The following CTNNA3 variants were observed in gnomAD, a reference collection of about 807,000 sequenced individuals.
The protein encoded by CTNNA3 is catenin alpha-3.
A neutral mutation model predicts 95.7 loss-of-function variants in CTNNA3; 76 were observed. The observed-to-expected ratio is 0.79, with a 90% CI of 0.66 to 0.96. CTNNA3 has a LOEUF of 0.96. CTNNA3 is among the 40% of genes least tolerant of loss of function. The pLI is 0.00. For synonymous variants in CTNNA3, 431 were observed against 374.4 expected, an observed-to-expected ratio of 1.15 and a Z score of -1.74; for missense variants, 1,191 against 1,089.8, an observed-to-expected ratio of 1.09 and a Z score of -1.31.
chr10:67,043,838 T>C (rs1403185910), intron 7 of CTNNA3, among the ~76,000 whole-genome samples: 1 of 150,554 alleles, frequency 6.6e-6, no homozygotes, highest in African/African-American at 2.5e-5. Context: ...TGAGGACTAC[T>C]TTTTTTTCTG....
chr10:66,836,039 T>A (rs1842873538), intron 7 of CTNNA3, among the ~76,000 whole-genome samples: 1 of 152,128 alleles, frequency 6.6e-6, no homozygotes, highest in Admixed American at 6.5e-5. Context: ...ACTGGTGTGC[T>A]GGTGAATGTT....
intron 5 of CTNNA3, among the ~76,000 whole-genome samples, chr10:67,307,675 T>C (rs1181875823): frequency 6.6e-6 from 1 of 152,204 alleles, no homozygotes; most frequent in African/African-American, 2.4e-5. Flanking sequence ...GTATCAGATA[T>C]TGAGTCCTGC....
chr10:66,903,375 T>A (rs1451980578), intron 7 of CTNNA3, among the ~76,000 whole-genome samples: 1 of 152,170 alleles, frequency 6.6e-6, no homozygotes, highest in East Asian at 1.9e-4. Context: ...ATGGAATGTA[T>A]CTCAGAATAA....
intron 7 of CTNNA3, among the ~76,000 whole-genome samples, chr10:67,094,040 A>G (rs1350779184): frequency 6.6e-6 from 1 of 151,978 alleles, no homozygotes; most frequent in Non-Finnish European, 1.5e-5. Context: ...GAATTAACTT[A>G]TGTAAAAATC....
At chr10:67,292,655 T>C (rs1000802359) in intron 5 of CTNNA3, among the ~76,000 whole-genome samples, 10 of 152,184 alleles carry the variant, frequency 6.6e-5, no homozygotes, top group African/African-American at 2.4e-4. Flanking sequence ...AACAATTTTA[T>C]CAACGTTTGT....
intron 1 of CTNNA3, among the ~76,000 whole-genome samples, chr10:67,671,757 C>T (rs1477311240): frequency 2.6e-5 from 4 of 151,484 alleles, no homozygotes; most frequent in South Asian, 2.1e-4. Flanking sequence ...TCCAGTCTAT[C>T]GTTGTTGGAC....
At chr10:67,554,710 T>C (rs902215964) in intron 3 of CTNNA3, among the ~76,000 whole-genome samples, 12 of 152,218 alleles carry the variant, frequency 7.9e-5, no homozygotes, top group Admixed American at 2.0e-4. Context: ...ACGTTGCCTG[T>C]TCACTCTGAT....
At chr10:66,005,268 C>A (rs1247010530) in intron 15 of CTNNA3, among the ~76,000 whole-genome samples, 3 of 152,094 alleles carry the variant, frequency 2.0e-5, no homozygotes, top group Non-Finnish European at 4.4e-5. Context: ...TCGTGGAGAG[C>A]CATTATTTAG....
chr10:66,628,606 A>C (rs753224308), intron 9 of CTNNA3, among the ~76,000 whole-genome samples: 3 of 152,150 alleles, frequency 2.0e-5, no homozygotes, highest in Non-Finnish European at 4.4e-5. Flanking sequence ...TTGTATTGGC[A>C]AAGGAGACTT....
At chr10:66,739,703 A>G (rs1008996857) in intron 9 of CTNNA3, among the ~76,000 whole-genome samples, 1 of 152,216 alleles carries the variant, frequency 6.6e-6, no homozygotes, top group African/African-American at 2.4e-5. Flanking sequence ...TTTGTAACGT[A>G]CTGGCCATTA....
At chr10:66,640,140 C>A (rs767101953) in intron 9 of CTNNA3, among the ~76,000 whole-genome samples, 14 of 152,114 alleles carry the variant, frequency 9.2e-5, no homozygotes, top group Middle Eastern at 3.2e-3. Context: ...GATAAACTCA[C>A]CCAATGCCTA....
At chr10:66,949,915 G>A (rs564888630) in intron 7 of CTNNA3, among the ~76,000 whole-genome samples, 68 of 152,204 alleles carry the variant, frequency 4.5e-4, no homozygotes, top group African/African-American at 1.6e-3. Flanking sequence ...CAGAATCACG[G>A]GCCTAAAGCC....
intron 12 of CTNNA3, among the ~76,000 whole-genome samples, chr10:66,292,153 T>C (rs1266570658): frequency 6.6e-6 from 1 of 151,914 alleles, no homozygotes; most frequent in African/African-American, 2.4e-5. Context: ...TTTCGTATCA[T>C]CAGTTTCTCC....
At chr10:67,720,825 G>A (rs1223506647) in intron 1 of CTNNA3, among the ~76,000 whole-genome samples, 1 of 152,112 alleles carries the variant, frequency 6.6e-6, no homozygotes, top group Non-Finnish European at 1.5e-5. Flanking sequence ...GTAGTGGCCA[G>A]CACCTGTAGT....
At chr10:66,905,067 C>T (rs12256713) in intron 7 of CTNNA3, among the ~76,000 whole-genome samples, 12,772 of 152,210 alleles carry the variant, frequency 0.084, 643 homozygotes, top group African/African-American at 0.14. Context: ...AAGACACATG[C>T]ACACGTGTGT....
chr10:67,254,590 T>A (rs1866256973), intron 5 of CTNNA3, among the ~76,000 whole-genome samples: 1 of 152,210 alleles, frequency 6.6e-6, no homozygotes. Flanking sequence ...ACTATTCTAA[T>A]ATCATCATGT....
chr10:65,920,895 A>C (rs1465339011), intron 17 of CTNNA3, among the ~76,000 whole-genome samples: 1 of 152,220 alleles, frequency 6.6e-6, no homozygotes, highest in Non-Finnish European at 1.5e-5. Context: ...TAAGCTGCTC[A>C]ATATTGTCTA....
chr10:66,533,944 T>G (rs1841558776), intron 10 of CTNNA3, among the ~76,000 whole-genome samples: 1 of 152,152 alleles, frequency 6.6e-6, no homozygotes, highest in African/African-American at 2.4e-5. Flanking sequence ...ACGTATCATT[T>G]TATTTTATTT....
rs573346447 is a variant in CTNNA3 at position 66,420,042 on chromosome 10, T to C, written c.1532-40690A>G. The stretch of plus-strand genomic sequence containing the variant: ...TGGAACAAAAATAGACAAATGAGAC[T>C]ATATTAAAATCAAAAACTTCTGCAT... On this transcript the variant is annotated intron_variant, in intron 11 of 17. Coordinates refer to ENST00000433211, the MANE Select transcript of CTNNA3 (RefSeq NM_013266.4). Among the ~76,000 whole-genome samples, 5 of 152,182 alleles carry C rather than the reference T, an allele frequency of 3.3e-5. No homozygotes were observed. The South Asian group carries it at 1.0e-3, about 32-fold the overall frequency.
Sources: gnomAD v4.1 joint callset for allele counts (sites outside exome capture counted in the v4.1 genomes callset) on GRCh38, gnomAD v4.1.1 for gene constraint, MANE v1.5 for transcripts, NCBI Gene and HGNC (gene_info 2026-07-23, HGNC 2026-07-21) for gene names.